The following ZNF710 variants were observed in gnomAD, a reference collection of about 807,000 sequenced individuals.
The protein encoded by ZNF710 is zinc finger protein 710.
A neutral mutation model predicts 50.6 loss-of-function variants in ZNF710; 13 were observed. The observed-to-expected ratio is 0.26, with a 90% CI of 0.17 to 0.41. The LOEUF (loss-of-function observed/expected upper bound fraction) is 0.41, where lower values mean the gene tolerates loss of function less well. Among genes scored for constraint, ZNF710 ranks in the 10% least tolerant of loss-of-function variants. ZNF710 has a pLI of 1.00. For missense variants in ZNF710, 721 were observed against 936.6 expected (o/e 0.77, Z 3.01); for synonymous variants, 383 against 397.0 (o/e 0.96, Z 0.42).
At chr15:90,015,900 C>T (rs533353937) in intron 1 of ZNF710, among the ~76,000 whole-genome samples, 14 of 152,274 alleles carry the variant, frequency 9.2e-5, no homozygotes, top group Non-Finnish European at 1.8e-4. Flanking sequence ...TGAGTCACCG[C>T]GCCCAATGCC....
upstream of ZNF710, among the ~76,000 whole-genome samples, chr15:89,998,510 A>G (rs1371519779): frequency 1.3e-5 from 2 of 152,194 alleles, no homozygotes; most frequent in African/African-American, 2.4e-5. Context: ...GACACTGGTC[A>G]TCTTTGAAGG....
At chr15:90,058,701 T>TATATATATATATATA (rs1567236919) in intron 1 of ZNF710, among the ~76,000 whole-genome samples, 12 of 143,550 alleles carry the variant, frequency 8.4e-5, no homozygotes, top group African/African-American at 2.4e-4. Flanking sequence ...CACTATATAT[T>TATATATATATATATA]TATATATATA....
intron 1 of ZNF710, among the ~76,000 whole-genome samples, chr15:90,053,901 T>TG (rs1899726366): frequency 6.6e-6 from 1 of 152,036 alleles, no homozygotes; most frequent in Non-Finnish European, 1.5e-5. Flanking sequence ...GGGTCCGTTC[T>TG]GGGGTTTGTC....
chr15:90,040,252 G>A lies in ZNF710; in HGVS notation c.-28-26858G>A, dbSNP rs1365981558. ...TCATACCGCCTTTGTTGAGGAAGTC[G>A]TGTCTGAGGATCTGGTCCCCAGCTC... On this transcript the variant is annotated intron_variant, in intron 1 of 4. Coordinates refer to ENST00000268154, the MANE Select transcript of ZNF710 (RefSeq NM_198526.4). The surrounding 1 kb of genome is among the most constrained non-coding windows in gnomAD (Gnocchi z 4.6). Among the ~76,000 whole-genome samples, 3 of 152,210 alleles carry A rather than the reference G, an allele frequency of 2.0e-5. No individual in the cohort carries two copies. Among genetic ancestry groups the A allele is most frequent in the Admixed American group, 6.5e-5 (1 of 15,286 alleles).
chr15:90,061,459 TCCGCGC>T (rs1268279551), intron 1 of ZNF710, among the ~76,000 whole-genome samples: 2 of 152,124 alleles, frequency 1.3e-5, no homozygotes, highest in African/African-American at 4.8e-5. Flanking sequence ...GGTGTGAGCC[TCCGCGC>T]CCGCCCTTCA....
In ZNF710 at chr15:90,059,331, G is replaced by A. The variant is rs7175628; in HGVS notation, c.-28-7779G>A. 0.12 allele frequency among the ~76,000 whole-genome samples: 19,005 copies of A among 152,136 alleles called. 3,402 individuals carry two copies. The highest frequency in any genetic ancestry group is 0.4 in the African/African-American group (16,507 of 41,450). ...AATGAAGGCATGGGCAGTGCATCCC[G>A]CCTACCAAAAGGCTGTGGGGGCTGC... On this transcript the variant is annotated intron_variant, in intron 1 of 4. Transcript: ENST00000268154. This position sits in a 1 kb window ranked among gnomAD's most constrained non-coding sequence, Gnocchi z 4.1.
intron 1 of ZNF710, among the ~76,000 whole-genome samples, chr15:90,063,957 C>T (rs188456238): frequency 6.6e-5 from 10 of 152,332 alleles, no homozygotes; most frequent in Admixed American, 4.6e-4. Flanking sequence ...ATGAGAATCA[C>T]CTGATGTCAC....
chr15:90,055,560 G>C (rs1409425863), intron 1 of ZNF710, among the ~76,000 whole-genome samples: 6 of 152,170 alleles, frequency 3.9e-5, no homozygotes, highest in Non-Finnish European at 8.8e-5. Context: ...GTGACCGATT[G>C]GTACAAGCAT....
intron 1 of ZNF710, among the ~76,000 whole-genome samples, chr15:90,051,351 A>T (rs981751304): frequency 2.0e-5 from 3 of 150,612 alleles, no homozygotes; most frequent in African/African-American, 4.9e-5. Flanking sequence ...AAGCACAGGC[A>T]GACTAGGCGC....
intron 1 of ZNF710, among the ~76,000 whole-genome samples, chr15:90,011,926 G>C (rs891669516): frequency 3.9e-5 from 6 of 152,222 alleles, no homozygotes; most frequent in African/African-American, 1.4e-4. Flanking sequence ...GAAGCTGGGG[G>C]CTGGGCGTGG....
At chr15:89,998,694 G>A (rs905038319), upstream of ZNF710, among the ~76,000 whole-genome samples, 3 of 152,198 alleles carry the variant, frequency 2.0e-5, no homozygotes, top group Admixed American at 6.5e-5. Flanking sequence ...CGGACACCAT[G>A]CTAGGTGTGG....
rs2151494866 is a variant in ZNF710, at chr15:90,040,305, A to T, written c.-28-26805A>T. ...GGCAACAGCAGAAACCCTGGTACCC[A>T]GATCCCCCAGTCTCCAGGGAGGTGT... On this transcript the variant is annotated intron_variant, in intron 1 of 4. Transcript: ENST00000268154. This position sits in a 1 kb window ranked among gnomAD's most constrained non-coding sequence, Gnocchi z 4.6. Among the ~76,000 whole-genome samples, 1 of 152,338 alleles carries T rather than the reference A, an allele frequency of 6.6e-6. No homozygotes were observed. The highest frequency in any genetic ancestry group is 1.9e-4 in the East Asian group (1 of 5,186).
chr15:90,045,461 G>A (rs1899429958), intron 1 of ZNF710: 5 of 932,286 alleles, frequency 5.4e-6, no homozygotes, highest in Non-Finnish European at 6.4e-6. Flanking sequence ...ACACTGAGGT[G>A]AGCGCAGAAG....
intron 1 of ZNF710, among the ~76,000 whole-genome samples, chr15:90,057,692 A>ATAC (rs1259626115): frequency 1.4e-5 from 2 of 141,548 alleles, no homozygotes; most frequent in African/African-American, 5.5e-5. Context: ...GCAAGACTAA[A>ATAC]TAATAATAAT....
Position 90,059,803 on chromosome 15 carries a change from C to T in ZNF710, c.-28-7307C>T, listed in dbSNP as rs1227118904. Reference sequence around the variant, plus strand: ...CCCTTGAAGCCTCCTGCGAGGAGGACAACAGGGGAAACCAAGAGGCTGGTT... The same window carrying T: ...CCCTTGAAGCCTCCTGCGAGGAGGATAACAGGGGAAACCAAGAGGCTGGTT... On this transcript the variant is annotated intron_variant, in intron 1 of 4. Transcript: ENST00000268154. The surrounding 1 kb of genome is among the most constrained non-coding windows in gnomAD (Gnocchi z 4.1). Among the ~76,000 whole-genome samples, 1 of 152,208 alleles carries T rather than the reference C, an allele frequency of 6.6e-6. No individual in the cohort carries two copies. Among genetic ancestry groups the T allele is most frequent in the Non-Finnish European group, 1.5e-5 (1 of 68,034 alleles).
intron 1 of ZNF710, among the ~76,000 whole-genome samples, chr15:90,003,890 G>A (rs747781345): frequency 3.3e-5 from 5 of 152,052 alleles, no homozygotes; most frequent in Non-Finnish European, 5.9e-5. Context: ...TGAGGGCCGT[G>A]GGGATAGAGC....
chr15:90,047,567 A>T (rs970794448), intron 1 of ZNF710, among the ~76,000 whole-genome samples: 3 of 150,290 alleles, frequency 2.0e-5, no homozygotes, highest in African/African-American at 7.4e-5. Context: ...TTGCTATACA[A>T]GTTTCTTTTC....
rs974896197 is a variant in ZNF710 at position 90,080,394 on chromosome 15, G to A, written c.*565G>A. On this transcript the variant is annotated 3_prime_UTR_variant, in exon 5 of 5. Coordinates refer to ENST00000268154, the MANE Select transcript of ZNF710 (RefSeq NM_198526.4). Reference sequence around the variant, plus strand: ...GTCTCCCATGCGCTCCTCAAGCCAGGTGTGCACGTGGCCCTGGCCCTGGCC... The same window carrying A: ...GTCTCCCATGCGCTCCTCAAGCCAGATGTGCACGTGGCCCTGGCCCTGGCC... 2 of 152,864 alleles carry A rather than the reference G, an allele frequency of 1.3e-5. No individual in the cohort carries two copies. Among genetic ancestry groups the A allele is most frequent in the African/African-American group, 2.4e-5 (1 of 41,442 alleles). 9.5% of individuals were successfully genotyped at this position (152,864 alleles called of 1,614,324 possible).
At chr15:90,035,688 G>A (rs1363339372) in intron 1 of ZNF710, among the ~76,000 whole-genome samples, 1 of 152,368 alleles carries the variant, frequency 6.6e-6, no homozygotes, top group South Asian at 2.1e-4. Flanking sequence ...ATGGGGACGT[G>A]TATTTGGATA....
Sources: gnomAD v4.1 joint callset for allele counts (sites outside exome capture counted in the v4.1 genomes callset) on GRCh38, gnomAD v4.1.1 for gene constraint, Gnocchi (gnomAD v3.1) non-coding constraint, MANE v1.5 for transcripts, NCBI Gene and HGNC (gene_info 2026-07-23, HGNC 2026-07-21) for gene names.